THSD7B: variants seen among roughly 807,000 people sequenced by gnomAD.
THSD7B encodes the protein thrombospondin type-1 domain-containing protein 7B.
In THSD7B, 138 loss-of-function variants were observed where a neutral mutation model predicts 213.6. The observed-to-expected ratio is 0.65, with a 90% CI of 0.56 to 0.74. The LOEUF (loss-of-function observed/expected upper bound fraction) is 0.74, where lower values mean the gene tolerates loss of function less well. Among genes scored for constraint, THSD7B ranks in the 30% least tolerant of loss-of-function variants. The pLI is 0.00. For missense variants in THSD7B, 1,931 were observed against 1,991.5 expected (o/e 0.97, Z 0.58); for synonymous variants, 742 against 687.0 (o/e 1.08, Z -1.25).
intron 1 of THSD7B, among the ~76,000 whole-genome samples, chr2:136,852,558 T>G (rs898862287): frequency 1.3e-5 from 2 of 152,140 alleles, no homozygotes; most frequent in African/African-American, 4.8e-5. Flanking sequence ...ACAAAAATTG[T>G]TAGATGATGA....
intron 14 of THSD7B, among the ~76,000 whole-genome samples, chr2:137,423,112 A>G (rs1686963558): frequency 6.6e-6 from 1 of 152,200 alleles, no homozygotes; most frequent in Admixed American, 6.5e-5. Context: ...ATAAATTAAT[A>G]TTTATTACTC....
intron 17 of THSD7B, among the ~76,000 whole-genome samples, chr2:137,573,077 AC>A (rs1388761403): frequency 1.3e-5 from 2 of 150,064 alleles, no homozygotes; most frequent in African/African-American, 4.9e-5. Context: ...AAAAAAAAAA[AC>A]TAAAGGATAT....
At chr2:137,061,209 T>C (rs1316112476) in intron 3 of THSD7B, among the ~76,000 whole-genome samples, 2 of 151,832 alleles carry the variant, frequency 1.3e-5, no homozygotes, top group African/African-American at 4.8e-5. Flanking sequence ...TGCAACTTTG[T>C]TATAGTCACT....
chr2:137,297,369 C>T (rs1443845086), intron 12 of THSD7B, among the ~76,000 whole-genome samples: 1 of 149,896 alleles, frequency 6.7e-6, no homozygotes. Context: ...TTTCTTCTTT[C>T]CCCAGCATTT....
At chr2:137,540,635 CTTTG>C (rs902385379) in intron 15 of THSD7B, among the ~76,000 whole-genome samples, 3 of 151,736 alleles carry the variant, frequency 2.0e-5, no homozygotes, top group South Asian at 2.1e-4. Flanking sequence ...ACACAGCTAT[CTTTG>C]TTTGACCTGA....
At chr2:137,477,956 G>A (rs1394477986) in intron 15 of THSD7B, among the ~76,000 whole-genome samples, 1 of 151,906 alleles carries the variant, frequency 6.6e-6, no homozygotes, top group Admixed American at 6.6e-5. Context: ...TATGCTATTA[G>A]TCTAATGGAG....
rs148126226 is a variant in THSD7B, at chr2:136,849,469, T to C, written c.-35-32675T>C. Reference sequence around the variant, plus strand: ...TGAGATGGCCTGATCTTAAATGCTATTAAAGTTGCTAATTGTGCCTAACTA... The same window carrying C: ...TGAGATGGCCTGATCTTAAATGCTACTAAAGTTGCTAATTGTGCCTAACTA... On this transcript the variant is annotated intron_variant, in intron 1 of 27. Coordinates refer to ENST00000409968, the MANE Select transcript of THSD7B (RefSeq NM_001316349.2). 8.7e-4 allele frequency among the ~76,000 whole-genome samples: 132 copies of C among 152,298 alleles called. No homozygotes were observed. The East Asian group carries it at 0.022, about 26-fold the overall frequency.
At chr2:137,045,683 C>A (rs567496063) in intron 2 of THSD7B, among the ~76,000 whole-genome samples, 16 of 152,284 alleles carry the variant, frequency 1.1e-4, no homozygotes, top group African/African-American at 3.8e-4. Context: ...TAATATTTTA[C>A]TTGTTGAGTG....
chr2:137,387,178 A>G (rs116273254), intron 12 of THSD7B, among the ~76,000 whole-genome samples: 1,925 of 152,334 alleles, frequency 0.013, 29 homozygotes, highest in Non-Finnish European at 0.021. Flanking sequence ...TTGCATAGGA[A>G]CATGTGGCCT....
intron 5 of THSD7B, among the ~76,000 whole-genome samples, chr2:137,157,995 C>T (rs2104981657): frequency 6.6e-6 from 1 of 152,268 alleles, no homozygotes; most frequent in Non-Finnish European, 1.5e-5. Flanking sequence ...TGCCTTAAGC[C>T]ATCCAGCTAT....
intron 15 of THSD7B, among the ~76,000 whole-genome samples, chr2:137,515,152 T>C (rs548920553): frequency 6.6e-6 from 1 of 152,226 alleles, no homozygotes; most frequent in South Asian, 2.1e-4. Flanking sequence ...TGGAAAAGAA[T>C]AGGACCCTGC....
chr2:137,639,715 G>A (rs1034792555), intron 20 of THSD7B, among the ~76,000 whole-genome samples: 1 of 152,198 alleles, frequency 6.6e-6, no homozygotes, highest in African/African-American at 2.4e-5. Context: ...AGTGTGACCT[G>A]AAAGTGAGAC....
In THSD7B at chr2:137,116,976, A is replaced by T. The variant is rs142280564; in HGVS notation, c.1369+1683A>T. 2.4e-4 allele frequency among the ~76,000 whole-genome samples: 37 copies of T among 152,348 alleles called. 1 individual carries two copies. In the East Asian group the frequency reaches 6.9e-3, roughly 29 times the overall value. On this transcript the variant is annotated intron_variant, in intron 5 of 27. Coordinates refer to ENST00000409968, the MANE Select transcript of THSD7B (RefSeq NM_001316349.2). ...AAGTACTTAGAAAGCTGTAAGTCTG[A>T]TAGTCCAGTTCTCAGGGGGAAAGGC...
intron 6 of THSD7B, among the ~76,000 whole-genome samples, chr2:137,165,024 A>G (rs539897762): frequency 1.3e-5 from 2 of 152,312 alleles, no homozygotes; most frequent in East Asian, 1.9e-4. Context: ...AACCTAAAGT[A>G]TAATAAAAAA....
intron 5 of THSD7B, among the ~76,000 whole-genome samples, chr2:137,133,265 C>T (rs1213718765): frequency 6.6e-6 from 1 of 152,170 alleles, no homozygotes. Context: ...TATTTTAAAG[C>T]AACCTGAAGG....
intron 2 of THSD7B, among the ~76,000 whole-genome samples, chr2:137,036,602 A>G (rs1444044124): frequency 6.6e-6 from 1 of 152,180 alleles, no homozygotes; most frequent in Non-Finnish European, 1.5e-5. Context: ...CTGTTTTCCA[A>G]TACCTCTATT....
intron 3 of THSD7B, among the ~76,000 whole-genome samples, chr2:137,084,590 C>T (rs1687804006): frequency 6.6e-6 from 1 of 152,156 alleles, no homozygotes; most frequent in South Asian, 2.1e-4. Flanking sequence ...GCAGGAGCAA[C>T]CTAAGCCACT....
intron 1 of THSD7B, among the ~76,000 whole-genome samples, chr2:136,779,042 A>T (rs1681670513): frequency 6.6e-6 from 1 of 152,236 alleles, no homozygotes; most frequent in East Asian, 1.9e-4. Flanking sequence ...ACTTGTGTTT[A>T]TCAGAGCTGG....
intron 7 of THSD7B, among the ~76,000 whole-genome samples, chr2:137,224,828 A>ATAGC (rs57697702): frequency 0.41 from 62,157 of 151,690 alleles, 12,825 homozygotes; most frequent in Middle Eastern, 0.5. Context: ...AGAACTTTGT[A>ATAGC]TACCCAGTTA....
Sources: gnomAD v4.1 joint callset for allele counts (sites outside exome capture counted in the v4.1 genomes callset) on GRCh38, gnomAD v4.1.1 for gene constraint, MANE v1.5 for transcripts, NCBI Gene and HGNC (gene_info 2026-07-23, HGNC 2026-07-21) for gene names.